The following NELL1 variants were observed in gnomAD, a reference collection of about 807,000 sequenced individuals.
NELL1 encodes the protein protein kinase C-binding protein NELL1.
NELL1 carries 76 observed loss-of-function variants against 107.4 expected under a neutral mutation model. The observed-to-expected ratio is 0.71, with a 90% CI of 0.59 to 0.86. The LOEUF is 0.86. Ranked by LOEUF, NELL1 falls within the 40% of genes least tolerant of loss-of-function variation. The pLI is 0.00. For missense variants in NELL1, 1,024 were observed against 1,005.5 expected (o/e 1.02, Z -0.25); for synonymous variants, 353 against 341.2 (o/e 1.03, Z -0.38).
At chr11:21,092,230 C>T (rs1854538392) in intron 12 of NELL1, among the ~76,000 whole-genome samples, 1 of 151,982 alleles carries the variant, frequency 6.6e-6, no homozygotes, top group South Asian at 2.1e-4. Context: ...TGAAAATATT[C>T]ATGGTTAGTA....
chr11:21,420,353 A>AATG (rs149883896), intron 15 of NELL1, among the ~76,000 whole-genome samples: 2,450 of 152,238 alleles, frequency 0.016, 66 homozygotes, highest in African/African-American at 0.055. Flanking sequence ...AAGGAACAAA[A>AATG]ATGATATAAA....
chr11:21,523,437 A>T (rs958907016), intron 15 of NELL1, among the ~76,000 whole-genome samples: 2 of 152,132 alleles, frequency 1.3e-5, no homozygotes, highest in African/African-American at 4.8e-5. Flanking sequence ...TCCAATGCCT[A>T]TGAGATTCCC....
At chr11:21,248,830 C>T (rs1042029455) in intron 14 of NELL1, among the ~76,000 whole-genome samples, 1 of 152,190 alleles carries the variant, frequency 6.6e-6, no homozygotes, top group Non-Finnish European at 1.5e-5. Context: ...TGTCCTGTTA[C>T]ACAAGCCAAT....
At chr11:20,723,502 C>T (rs531196766) in intron 2 of NELL1, among the ~76,000 whole-genome samples, 1 of 152,292 alleles carries the variant, frequency 6.6e-6, no homozygotes, top group Non-Finnish European at 1.5e-5. Context: ...TCATGACTCA[C>T]ATTCAGGGCA....
At chr11:20,968,691 T>A (rs577142615) in intron 12 of NELL1, among the ~76,000 whole-genome samples, 2 of 152,330 alleles carry the variant, frequency 1.3e-5, no homozygotes, top group African/African-American at 4.8e-5. Flanking sequence ...AAAATTGGTT[T>A]TCTATAGATT....
At chr11:20,878,083 G>A (rs1002887760) in intron 4 of NELL1, among the ~76,000 whole-genome samples, 8 of 152,118 alleles carry the variant, frequency 5.3e-5, no homozygotes, top group Admixed American at 3.3e-4. Context: ...CATTTGGGCC[G>A]GGCGCGGTGG....
At position 20,697,992 on chromosome 11, in the gene NELL1, A is replaced by T. The variant is rs536522630; in HGVS notation, c.184+19932A>T. Among the ~76,000 whole-genome samples, 5 of 152,248 alleles carry T rather than the reference A, an allele frequency of 3.3e-5. No homozygotes were observed. The East Asian group carries it at 9.7e-4, about 29-fold the overall frequency. On this transcript the variant is annotated intron_variant, in intron 2 of 19. Transcript: ENST00000357134. ...CGATCTTCCAGATTTCCTGCCACCC[A>T]CTGTTGCCCAAGTCTGAATTGTTTT...
chr11:21,354,915 A>C (rs1354665208), intron 14 of NELL1, among the ~76,000 whole-genome samples: 1 of 151,894 alleles, frequency 6.6e-6, no homozygotes, highest in Non-Finnish European at 1.5e-5. Context: ...ATAGCAGTGT[A>C]ATAGGAAACC....
intron 2 of NELL1, among the ~76,000 whole-genome samples, chr11:20,766,469 G>T (rs1000712665): frequency 1.2e-4 from 18 of 152,192 alleles, no homozygotes; most frequent in African/African-American, 4.3e-4. Flanking sequence ...CATATTTTAT[G>T]TATAATTTTG....
Position 21,483,882 on chromosome 11 carries a change from C to CATAT in NELL1, c.1646-50491_1646-50490insTATA, listed in dbSNP as rs1313168695. Among the ~76,000 whole-genome samples, 62 of 118,472 alleles carry CATAT rather than the reference C, an allele frequency of 5.2e-4. 1 individual carries two copies. The highest frequency in any genetic ancestry group is 1.7e-3 in the African/African-American group (59 of 35,144). 77.7% of individuals were successfully genotyped at this position (118,472 alleles called of 152,430 possible). ...ATACATATACAAACACACACACACA[C>CATAT]ACATATATATATATATATAAAATAT... On this transcript the variant is annotated intron_variant, in intron 15 of 19. Transcript: ENST00000357134.
chr11:21,069,467 G>A (rs189041938), intron 12 of NELL1, among the ~76,000 whole-genome samples: 1 of 152,184 alleles, frequency 6.6e-6, no homozygotes. Context: ...CTGATGGCTG[G>A]CACCTGACTT....
At chr11:21,225,790 C>A (rs1251533111) in intron 13 of NELL1, among the ~76,000 whole-genome samples, 4 of 152,106 alleles carry the variant, frequency 2.6e-5, no homozygotes, top group African/African-American at 9.7e-5. Context: ...AATCAAATAC[C>A]TAACACTTGT....
At position 21,263,077 on chromosome 11, in the gene NELL1, C is replaced by T. The variant is rs1241527755; in HGVS notation, c.1549+33623C>T. On this transcript the variant is annotated intron_variant, in intron 14 of 19. Transcript: ENST00000357134. ...TCTTCCTGTGTTTTCTCATAGCATA[C>T]TCTGTTTCATGAACATGGTGTCCTT... Among the ~76,000 whole-genome samples the T allele has an allele frequency of 3.3e-5, 5 of 151,786 alleles. No homozygotes were observed. In the East Asian group the frequency reaches 9.7e-4, roughly 29 times the overall value.
chr11:20,981,956 T>TTCTCTC (rs68140364), intron 12 of NELL1, among the ~76,000 whole-genome samples: 2,394 of 148,646 alleles, frequency 0.016, 24 homozygotes, highest in Non-Finnish European at 0.022. Flanking sequence ...CTCTCTCTCT[T>TTCTCTC]TCTCTCTCTC....
chr11:21,509,291 T>C (rs1207651419), intron 15 of NELL1, among the ~76,000 whole-genome samples: 1 of 152,142 alleles, frequency 6.6e-6, no homozygotes, highest in Non-Finnish European at 1.5e-5. Flanking sequence ...TTATAGGCAT[T>C]TTGAAGAATT....
At chr11:21,339,018 A>G (rs1484394869) in intron 14 of NELL1, among the ~76,000 whole-genome samples, 1 of 152,206 alleles carries the variant, frequency 6.6e-6, no homozygotes, top group East Asian at 1.9e-4. Flanking sequence ...CATACCTAAG[A>G]TCAAATAATT....
rs189655465 is a variant in NELL1, at chr11:20,726,636, G to A, written c.184+48576G>A. On this transcript the variant is annotated intron_variant, in intron 2 of 19. Transcript: ENST00000357134. ...TTATACTTTAAGTTCTAGGGTACAT[G>A]TGCACAATGTGCAGGTTTGTTACAT... is the stretch of plus-strand genomic sequence containing the variant. Among the ~76,000 whole-genome samples, 4 of 151,944 alleles carry A rather than the reference G, an allele frequency of 2.6e-5. No homozygotes were observed. The East Asian group carries it at 5.8e-4, about 22-fold the overall frequency.
intron 14 of NELL1, among the ~76,000 whole-genome samples, chr11:21,237,858 C>G (rs1309229623): frequency 1.3e-5 from 2 of 152,060 alleles, no homozygotes; most frequent in Admixed American, 1.3e-4. Context: ...AAATGCTGTA[C>G]TGGCTCAACA....
intron 4 of NELL1, among the ~76,000 whole-genome samples, chr11:20,874,127 G>A (rs1271677118): frequency 1.3e-5 from 2 of 152,146 alleles, no homozygotes; most frequent in East Asian, 1.9e-4. Flanking sequence ...GAGTGCAATG[G>A]CACGATCACG....
Sources: gnomAD v4.1 joint callset for allele counts (sites outside exome capture counted in the v4.1 genomes callset) on GRCh38, gnomAD v4.1.1 for gene constraint, MANE v1.5 for transcripts, NCBI Gene and HGNC (gene_info 2026-07-23, HGNC 2026-07-21) for gene names.